KIAA1217: variants seen among roughly 807,000 people sequenced by gnomAD.
The protein encoded by KIAA1217 is sickle tail protein homolog.
A neutral mutation model predicts 163.9 loss-of-function variants in KIAA1217; 88 were observed. The ratio of observed to expected loss-of-function variants is 0.54; its 90% CI spans 0.45 to 0.64. The LOEUF is 0.64. Among genes scored for constraint, KIAA1217 ranks in the 30% least tolerant of loss-of-function variants. The probability of loss-of-function intolerance (pLI) is 0.00; values close to 1 mark genes in which losing one functional copy is unlikely to be tolerated. For synonymous variants in KIAA1217, 903 were observed against 923.1 expected (o/e 0.98, Z 0.39); for missense variants, 2,372 against 2,475.0 (o/e 0.96, Z 0.88).
chr10:24,347,093 C>G (rs1455014093), intron 2 of KIAA1217, among the ~76,000 whole-genome samples: 1 of 152,108 alleles, frequency 6.6e-6, no homozygotes, highest in Non-Finnish European at 1.5e-5. Context: ...TAGTCTGATA[C>G]CTCATAGCTT....
chr10:24,355,160 T>C (rs989994050), intron 2 of KIAA1217, among the ~76,000 whole-genome samples: 1 of 152,072 alleles, frequency 6.6e-6, no homozygotes, highest in Non-Finnish European at 1.5e-5. Flanking sequence ...CTGAACTCAG[T>C]CCCTGGAGCT....
intron 1 of KIAA1217, among the ~76,000 whole-genome samples, chr10:23,974,070 T>G (rs1399004643): frequency 1.3e-5 from 2 of 152,222 alleles, no homozygotes; most frequent in Non-Finnish European, 2.9e-5. Flanking sequence ...TGATTATGCA[T>G]CTACCCCAGA....
chr10:23,812,413 G>GT (rs1837109401), intron 1 of KIAA1217, among the ~76,000 whole-genome samples: 1 of 152,118 alleles, frequency 6.6e-6, no homozygotes, highest in Non-Finnish European at 1.5e-5. Flanking sequence ...ATCTTTGATT[G>GT]TATTTGGCAC....
At chr10:23,865,477 C>T (rs1044321512) in intron 1 of KIAA1217, among the ~76,000 whole-genome samples, 6 of 152,080 alleles carry the variant, frequency 3.9e-5, no homozygotes, top group Non-Finnish European at 8.8e-5. Flanking sequence ...GAATTTAACT[C>T]TCAATATTTC....
chr10:24,262,927 G>A (rs1220761061), intron 2 of KIAA1217, among the ~76,000 whole-genome samples: 3 of 150,230 alleles, frequency 2.0e-5, no homozygotes, highest in African/African-American at 7.4e-5. Context: ...TCCAGTCTGG[G>A]TAACAGCAAG....
intron 1 of KIAA1217, among the ~76,000 whole-genome samples, chr10:23,791,310 C>T (rs1306608737): frequency 1.3e-5 from 2 of 152,120 alleles, no homozygotes; most frequent in Admixed American, 1.3e-4. Context: ...GTATACCTCA[C>T]CCAACCTCAA....
chr10:23,940,460 CAAAAAAAAAA>C (rs760090400), intron 1 of KIAA1217, among the ~76,000 whole-genome samples: 43 of 46,042 alleles, frequency 9.3e-4, no homozygotes, highest in Admixed American at 3.0e-3. Flanking sequence ...GACTCCGTCT[CAAAAAAAAAA>C]AAAAAAAAAA....
intron 2 of KIAA1217, among the ~76,000 whole-genome samples, chr10:24,324,853 G>C (rs1025787885): frequency 6.6e-6 from 1 of 152,234 alleles, no homozygotes; most frequent in African/African-American, 2.4e-5. Context: ...ATAGGAGCCC[G>C]AGGTTATCAT....
chr10:24,130,323 C>T (rs570070633), intron 2 of KIAA1217, among the ~76,000 whole-genome samples: 1 of 152,250 alleles, frequency 6.6e-6, no homozygotes, highest in African/African-American at 2.4e-5. Context: ...TCAAGCATCA[C>T]GATTTCCTAT....
At chr10:24,524,866 G>A (rs1453058340) in intron 13 of KIAA1217, 102 bp downstream of exon 13, 4 of 1,074,924 alleles carry the variant, frequency 3.7e-6, no homozygotes, top group South Asian at 1.7e-5. Context: ...GATTGTGTAT[G>A]GATCAGAGAC....
At chr10:24,122,007 A>T (rs1280725018) in intron 2 of KIAA1217, among the ~76,000 whole-genome samples, 1 of 152,064 alleles carries the variant, frequency 6.6e-6, no homozygotes, top group Non-Finnish European at 1.5e-5. Context: ...ATTATTTTTT[A>T]ATTTCAATTT....
chr10:24,203,643 CT>C (rs1441032805), intron 2 of KIAA1217, among the ~76,000 whole-genome samples: 2 of 151,496 alleles, frequency 1.3e-5, no homozygotes, highest in Non-Finnish European at 2.9e-5. Flanking sequence ...AGGAGAGTCT[CT>C]TTCCCCCAAA....
chr10:24,305,042 G>A (rs2041849328), intron 2 of KIAA1217, among the ~76,000 whole-genome samples: 1 of 152,170 alleles, frequency 6.6e-6, no homozygotes, highest in African/African-American at 2.4e-5. Flanking sequence ...CTGATTAGAA[G>A]GTCCTTGATG....
intron 2 of KIAA1217, among the ~76,000 whole-genome samples, chr10:24,191,942 CAG>C (rs960901443): frequency 6.6e-6 from 1 of 152,112 alleles, no homozygotes; most frequent in Non-Finnish European, 1.5e-5. Context: ...TTAGTAGAGA[CAG>C]AGTTTTGCCG....
At chr10:24,208,374 GGTGTGTGT>G (rs10539475), upstream of KIAA1217, among the ~76,000 whole-genome samples, 31 of 148,938 alleles carry the variant, frequency 2.1e-4, no homozygotes, top group South Asian at 1.1e-3. Flanking sequence ...TTAAGGGCTG[GGTGTGTGT>G]GTGTGTGTGT....
intron 3 of KIAA1217, among the ~76,000 whole-genome samples, chr10:24,411,054 A>G (rs1482453813): frequency 6.6e-6 from 1 of 152,188 alleles, no homozygotes; most frequent in Non-Finnish European, 1.5e-5. Flanking sequence ...ATATCCACAG[A>G]CCTGAAGTCA....
At chr10:23,925,334 T>C (rs1842980701) in intron 1 of KIAA1217, among the ~76,000 whole-genome samples, 1 of 152,130 alleles carries the variant, frequency 6.6e-6, no homozygotes, top group South Asian at 2.1e-4. Flanking sequence ...GGCCCTGGGT[T>C]AGGCACTAGA....
intron 2 of KIAA1217, among the ~76,000 whole-genome samples, chr10:24,361,645 A>T (rs1196850624): frequency 6.6e-6 from 1 of 152,220 alleles, no homozygotes; most frequent in South Asian, 2.1e-4. Context: ...CTCCTTGTAG[A>T]TAACTGTAGA....
chr10:24,377,009 T>G (rs2052596691), intron 2 of KIAA1217, among the ~76,000 whole-genome samples: 1 of 152,188 alleles, frequency 6.6e-6, no homozygotes, highest in Non-Finnish European at 1.5e-5. Context: ...TCCCTCATCC[T>G]TTCATTAGGA....
Sources: allele counts gnomAD v4.1 joint callset (sites outside exome capture counted in the v4.1 genomes callset), GRCh38; gene constraint gnomAD v4.1.1; transcripts MANE v1.5; gene names NCBI Gene and HGNC (gene_info 2026-07-23, HGNC 2026-07-21).